The following SIPA1L3 variants were observed in gnomAD, a reference collection of about 807,000 sequenced individuals.
SIPA1L3 encodes the protein signal induced proliferation associated 1 like 3.
A neutral mutation model predicts 150.1 loss-of-function variants in SIPA1L3; 59 were observed. The observed-to-expected ratio is 0.39, with a 90% confidence interval of 0.32 to 0.49. SIPA1L3 has a LOEUF of 0.49. Among genes scored for constraint, SIPA1L3 ranks in the 20% least tolerant of loss-of-function variants. The pLI is 0.86. For synonymous variants in SIPA1L3, 1,070 were observed against 1,077.6 expected (o/e 0.99, Z 0.14); for missense variants, 2,211 against 2,489.5 (o/e 0.89, Z 2.38).
rs74943342 is a variant in SIPA1L3, at chr19:38,006,513, C to G, written c.-378-22576C>G. Among the ~76,000 whole-genome samples, 148 of 152,300 alleles carry G rather than the reference C, an allele frequency of 9.7e-4. 2 individuals carry two copies. The East Asian group carries it at 0.019, about 20-fold the overall frequency. On this transcript the variant is annotated intron_variant, in intron 1 of 21. Transcript: ENST00000222345. ...TCCCCCACACTGACATGGGCAGCAT[C>G]TGTAGAAACAGGAAATGCGTCTCAG...
At position 38,193,263 on chromosome 19, in the gene SIPA1L3, C is replaced by T. The variant is rs531297314; in HGVS notation, c.4597-274C>T. Among the ~76,000 whole-genome samples the T allele has an allele frequency of 3.3e-4, 50 of 151,348 alleles. 1 individual carries two copies. Among genetic ancestry groups the T allele is most frequent in the African/African-American group, 1.1e-3 (44 of 41,232 alleles). On this transcript the variant is annotated intron_variant, in intron 17 of 21. Transcript: ENST00000222345. ...ACCTGGGAAGCTGAGATAGGAGGATCGCTTAAGCCCAGGAGGTCAAGGTTG... is the reference window on the plus strand; with the variant it reads ...ACCTGGGAAGCTGAGATAGGAGGATTGCTTAAGCCCAGGAGGTCAAGGTTG...
chr19:38,110,186 C>T, intron 7 of SIPA1L3, 41 bp from the exon 8 acceptor site: 3 of 1,604,896 alleles, frequency 1.9e-6, no homozygotes, highest in Non-Finnish European at 2.6e-6. Flanking sequence ...GTCAGGCCGA[C>T]CTGTGACAGG....
intron 6 of SIPA1L3, among the ~76,000 whole-genome samples, 174 bp downstream of exon 6, chr19:38,101,400 CTTGTTG>C (rs10567552): frequency 6.6e-5 from 10 of 151,944 alleles, no homozygotes; most frequent in Admixed American, 4.6e-4. Flanking sequence ...TGTTGTTGTA[CTTGTTG>C]TTGTTGTTGT....
intron 12 of SIPA1L3, among the ~76,000 whole-genome samples, chr19:38,151,287 A>C (rs998962660): frequency 6.6e-6 from 1 of 152,210 alleles, no homozygotes; most frequent in African/African-American, 2.4e-5. Context: ...GGCTTAAATC[A>C]GCAACGTTTA....
intron 6 of SIPA1L3, among the ~76,000 whole-genome samples, chr19:38,104,936 A>G (rs1448379185): frequency 6.6e-6 from 1 of 152,050 alleles, no homozygotes; most frequent in Non-Finnish European, 1.5e-5. Flanking sequence ...TCCCCAAATT[A>G]CAGGCAAGAA....
chr19:38,022,726 TAAAAA>T (rs1279482647), intron 1 of SIPA1L3, among the ~76,000 whole-genome samples: 2 of 151,736 alleles, frequency 1.3e-5, no homozygotes, highest in South Asian at 2.1e-4. Flanking sequence ...AATAAATAAA[TAAAAA>T]AGAAAAAACA....
intron 2 of SIPA1L3, among the ~76,000 whole-genome samples, chr19:38,038,813 C>CA (rs1190307544): frequency 3.9e-5 from 6 of 152,096 alleles, no homozygotes; most frequent in Non-Finnish European, 7.4e-5. Context: ...CACCCTTGAC[C>CA]AATTCAGTTA....
rs994843015 is a variant in SIPA1L3 at position 38,016,532 on chromosome 19, G to A, written c.-378-12557G>A. ...TCTTTTTTGAGATGGAGTCTCTGTC[G>A]CTGAGGCTAGAGTTCAGTGGCACGG... is the stretch of plus-strand genomic sequence containing the variant. On this transcript the variant is annotated intron_variant, in intron 1 of 21. Transcript: ENST00000222345. Among the ~76,000 whole-genome samples, 4 of 151,964 alleles carry A rather than the reference G, an allele frequency of 2.6e-5. No individual in the cohort carries two copies. In the East Asian group the frequency reaches 5.8e-4, roughly 22 times the overall value.
intron 3 of SIPA1L3, among the ~76,000 whole-genome samples, chr19:38,086,976 T>C (rs147647567): frequency 9.9e-4 from 150 of 152,264 alleles, no homozygotes; most frequent in African/African-American, 3.5e-3. Context: ...CTTTGGATGG[T>C]GGAAGATGAA....
chr19:38,059,122 TC>T, intron 2 of SIPA1L3, among the ~76,000 whole-genome samples: 1 of 150,416 alleles, frequency 6.6e-6, no homozygotes, highest in East Asian at 1.9e-4. Context: ...CGCCTCAGCT[TC>T]CTGAGTAGCT....
At chr19:38,180,404 T>C (rs997146943) in intron 15 of SIPA1L3, among the ~76,000 whole-genome samples, 1 of 152,134 alleles carries the variant, frequency 6.6e-6, no homozygotes, top group African/African-American at 2.4e-5. Context: ...TTGAGTGATC[T>C]TCCCGTCTTG....
intron 1 of SIPA1L3, among the ~76,000 whole-genome samples, chr19:37,941,453 T>G (rs562540733): frequency 1.6e-5 from 2 of 123,796 alleles, no homozygotes; most frequent in African/African-American, 3.9e-5. Flanking sequence ...CTGTTGTGTG[T>G]TTTTTTTTTT....
chr19:38,124,129 G>A, intron 9 of SIPA1L3, among the ~76,000 whole-genome samples: 1 of 150,618 alleles, frequency 6.6e-6, no homozygotes, highest in African/African-American at 2.4e-5. Flanking sequence ...CCCGGACGGG[G>A]TGGCTGCCGG....
chr19:38,040,713 C>T (rs1215325227), intron 2 of SIPA1L3, among the ~76,000 whole-genome samples: 2 of 152,188 alleles, frequency 1.3e-5, no homozygotes, highest in East Asian at 3.8e-4. Context: ...AGAGTTTCAA[C>T]TGAAGTATTT....
chr19:38,074,445 T>TCCCC lies in SIPA1L3; in HGVS notation c.-310-6808_-310-6807insCCCC, dbSNP rs532270626. Among the ~76,000 whole-genome samples, 351 of 152,148 alleles carry TCCCC rather than the reference T, an allele frequency of 2.3e-3. 1 individual carries two copies. The highest frequency in any genetic ancestry group is 7.8e-3 in the African/African-American group (323 of 41,546). On this transcript the variant is annotated intron_variant, in intron 2 of 21. Transcript: ENST00000222345. ...AAGTGTGGCCTCAAAGGACTAATCC[T>TCCCC]CCCTCCGCACTCTGCACTCTGAAGG...
At chr19:37,914,024 CAAA>C (rs58768492) in intron 1 of SIPA1L3, among the ~76,000 whole-genome samples, 31,055 of 110,868 alleles carry the variant, frequency 0.28, 4,005 homozygotes, top group South Asian at 0.37. Flanking sequence ...GAGGCCGTCT[CAAA>C]AAAAAAAAAA....
chr19:38,080,068 G>A (rs764459376), intron 2 of SIPA1L3, among the ~76,000 whole-genome samples: 8 of 152,198 alleles, frequency 5.3e-5, no homozygotes, highest in Non-Finnish European at 1.0e-4. Flanking sequence ...GTGTTTTAAT[G>A]CAGTAAGTAG....
intron 20 of SIPA1L3, among the ~76,000 whole-genome samples, chr19:38,202,749 C>A (rs1973117303): frequency 1.3e-5 from 2 of 152,192 alleles, no homozygotes; most frequent in Non-Finnish European, 2.9e-5. Flanking sequence ...CTCACGCTCA[C>A]CCTTCCCAGC....
intron 3 of SIPA1L3, 65 bp from the exon 4 acceptor site, chr19:38,088,656 G>C (rs1445987045): frequency 8.2e-6 from 13 of 1,577,876 alleles, no homozygotes; most frequent in Admixed American, 1.8e-5. Flanking sequence ...CTGCAGGCCT[G>C]CTGGGCATCA....
Sources: gnomAD v4.1 joint callset for allele counts (sites outside exome capture counted in the v4.1 genomes callset) on GRCh38, gnomAD v4.1.1 for gene constraint, MANE v1.5 for transcripts, NCBI Gene and HGNC (gene_info 2026-07-23, HGNC 2026-07-21) for gene names.